AOPEP: variants seen among roughly 807,000 people sequenced by gnomAD.
AOPEP encodes the protein aminopeptidase O (putative).
In AOPEP, 77 loss-of-function variants were observed where a neutral mutation model predicts 98.1. The ratio of observed to expected loss-of-function variants is 0.78; its 90% confidence interval spans 0.65 to 0.95. The LOEUF is 0.95. Among genes scored for constraint, AOPEP ranks in the 40% least tolerant of loss-of-function variants. AOPEP has a pLI of 0.00. For synonymous variants in AOPEP, 346 were observed against 365.3 expected (o/e 0.95, Z 0.60); for missense variants, 1,024 against 1,024.7 (o/e 1.00, Z 0.01).
intron 7 of AOPEP, among the ~76,000 whole-genome samples, chr9:94,949,840 G>T (rs575394360): frequency 6.6e-6 from 1 of 152,218 alleles, no homozygotes; most frequent in Non-Finnish European, 1.5e-5. Context: ...TTACCCAGAG[G>T]TGTCTTCGTG....
At chr9:95,082,794 G>T in intron 16 of AOPEP, 75 bp downstream of exon 16, 1 of 1,537,458 alleles carries the variant, frequency 6.5e-7, no homozygotes. Context: ...AAATCAGTAA[G>T]CCGAATAGTT....
chr9:95,091,708 C>T (rs1352454629), downstream of AOPEP, among the ~76,000 whole-genome samples: 1 of 152,186 alleles, frequency 6.6e-6, no homozygotes, highest in Admixed American at 6.5e-5. Flanking sequence ...GATCTCTTCC[C>T]ACCCTCCCTG....
chr9:94,813,982 A>T (rs983817023), intron 5 of AOPEP, among the ~76,000 whole-genome samples: 2 of 152,226 alleles, frequency 1.3e-5, no homozygotes, highest in African/African-American at 4.8e-5. Flanking sequence ...TGTACTAAAG[A>T]GAGAGAGTCA....
At chr9:94,956,527 A>G (rs777607208) in intron 9 of AOPEP, among the ~76,000 whole-genome samples, 1 of 152,164 alleles carries the variant, frequency 6.6e-6, no homozygotes, top group African/African-American at 2.4e-5. Flanking sequence ...AGACCATTCT[A>G]TTTCACCAGT....
intron 13 of AOPEP, among the ~76,000 whole-genome samples, chr9:95,020,918 C>CCAAAAAAA (rs2063400191): frequency 1.4e-5 from 1 of 73,372 alleles, no homozygotes; most frequent in East Asian, 4.0e-4. Context: ...GACCTTGTCT[C>CCAAAAAAA]AAAAAAAAAA....
In AOPEP at chr9:95,022,951, ACCTTTCTCCCCGCTG is replaced by A. The variant is rs1347065013; in HGVS notation, c.2115+17336_2115+17350del. Reference sequence around the variant, plus strand: ...TAGGGTTAAATTGAGATCTTAAGGTACCTTTCTCCCCGCTGTAGTCCGGAATGACATGGGTTTGTG... The same window carrying A: ...TAGGGTTAAATTGAGATCTTAAGGTATAGTCCGGAATGACATGGGTTTGTG... On this transcript the variant is annotated intron_variant, in intron 13 of 16. Coordinates refer to ENST00000375315, the MANE Select transcript of AOPEP (RefSeq NM_001193329.3). Among the ~76,000 whole-genome samples the A allele has an allele frequency of 1.3e-4, 20 of 152,098 alleles. 1 individual carries two copies. The highest frequency in any genetic ancestry group is 4.6e-4 in the African/African-American group (19 of 41,400).
At chr9:95,002,674 G>A (rs2061640063) in intron 11 of AOPEP, among the ~76,000 whole-genome samples, 2 of 152,232 alleles carry the variant, frequency 1.3e-5, no homozygotes, top group African/African-American at 4.8e-5. Flanking sequence ...GTATAGTGGA[G>A]TGACATAATT....
At position 95,086,781 on chromosome 9, in the gene AOPEP, A is replaced by C. The variant is rs992473831; in HGVS notation, c.*104A>C. ...CAAAGGAGGGATTATGTGGCTGCTAAAGCCATCGGCCCACAGCCCTGTTCA... is the reference window on the plus strand; with the variant it reads ...CAAAGGAGGGATTATGTGGCTGCTACAGCCATCGGCCCACAGCCCTGTTCA... On this transcript the variant is annotated 3_prime_UTR_variant, in exon 17 of 17. Transcript: ENST00000375315. 14 of 987,924 alleles carry C rather than the reference A, an allele frequency of 1.4e-5. No homozygotes were observed. The highest frequency in any genetic ancestry group is 1.7e-5 in the Non-Finnish European group (14 of 830,158). The allele number at this position is 987,924 out of a possible 1,614,324, so 61.2% of individuals were successfully genotyped here. A position where few individuals can be genotyped will look rare whatever the true frequency, so the allele number is the denominator to read the frequency against.
At chr9:94,817,869 A>C (rs1301333197) in intron 5 of AOPEP, among the ~76,000 whole-genome samples, 1 of 152,212 alleles carries the variant, frequency 6.6e-6, no homozygotes, top group Non-Finnish European at 1.5e-5. Context: ...AGCTGAGTTT[A>C]AAGAAAATGG....
At position 94,847,163 on chromosome 9, in the gene AOPEP, C is replaced by G. The variant is rs71491738; in HGVS notation, c.1364+46161C>G. ...ACACACACACACACACTCTCTCTGT[C>G]TCTCTCTCTCTCTCTCTGTCTCTGT... is the stretch of plus-strand genomic sequence containing the variant. On this transcript the variant is annotated intron_variant, in intron 5 of 16. Coordinates refer to ENST00000375315, the MANE Select transcript of AOPEP (RefSeq NM_001193329.3). Among the ~76,000 whole-genome samples the G allele has an allele frequency of 3.8e-3, 45 of 11,850 alleles. 6 individuals are homozygous for G. The highest frequency in any genetic ancestry group is 7.2e-3 in the East Asian group (5 of 696). The allele number at this position is 11,850 out of a possible 152,430, so 7.8% of individuals were successfully genotyped here.
the AOPEP span, chr9:95,135,447 G>A: frequency 5.0e-6 from 8 of 1,614,046 alleles, no homozygotes; most frequent in Non-Finnish European, 6.8e-6. Context: ...TCAAGGCTGG[G>A]AAGGTGCCGA....
At chr9:95,033,036 G>C (rs2064455529) in intron 13 of AOPEP, among the ~76,000 whole-genome samples, 1 of 152,188 alleles carries the variant, frequency 6.6e-6, no homozygotes, top group Non-Finnish European at 1.5e-5. Context: ...AAAAAGTGCA[G>C]TTGGAAGCAC....
the AOPEP span, among the ~76,000 whole-genome samples, chr9:95,119,714 T>C: frequency 6.6e-6 from 1 of 151,778 alleles, no homozygotes; most frequent in African/African-American, 2.4e-5. Flanking sequence ...AATTTTACAT[T>C]CCTTTCTTAT....
chr9:94,766,204 T>G (rs1010155417), intron 2 of AOPEP, among the ~76,000 whole-genome samples: 2 of 152,198 alleles, frequency 1.3e-5, no homozygotes, highest in Non-Finnish European at 2.9e-5. Context: ...TCCTTGTATT[T>G]TTAACATTTT....
At chr9:94,850,393 G>A (rs552676221) in intron 5 of AOPEP, among the ~76,000 whole-genome samples, 5 of 152,126 alleles carry the variant, frequency 3.3e-5, no homozygotes, top group East Asian at 1.9e-4. Flanking sequence ...AACCCATGGC[G>A]GACACTACAG....
chr9:94,810,470 A>G (rs1334989880), intron 5 of AOPEP, among the ~76,000 whole-genome samples: 2 of 151,758 alleles, frequency 1.3e-5, no homozygotes, highest in East Asian at 3.9e-4. Context: ...GCGCGCCACC[A>G]CACCTGGCTC....
At chr9:95,090,603 C>T (rs1359210734), downstream of AOPEP, among the ~76,000 whole-genome samples, 4 of 152,170 alleles carry the variant, frequency 2.6e-5, no homozygotes, top group South Asian at 2.1e-4. Flanking sequence ...GCCTGCAGGC[C>T]TCGCCAGCAC....
chr9:95,107,185 C>T, the AOPEP span: 297 of 1,614,184 alleles, frequency 1.8e-4, 2 homozygotes, highest in South Asian at 2.6e-3. Context: ...GTGCCCTGTC[C>T]TGCTACCGTC....
At chr9:94,875,687 A>G (rs2046864833) in intron 5 of AOPEP, among the ~76,000 whole-genome samples, 1 of 152,246 alleles carries the variant, frequency 6.6e-6, no homozygotes, top group African/African-American at 2.4e-5. Flanking sequence ...GAACTGAAGT[A>G]GGTGAGTACG....
Sources: gnomAD v4.1 joint callset for allele counts (sites outside exome capture counted in the v4.1 genomes callset) on GRCh38, gnomAD v4.1.1 for gene constraint, MANE v1.5 for transcripts, NCBI Gene and HGNC (gene_info 2026-07-23, HGNC 2026-07-21) for gene names.